The following FBXO34 variants were observed in gnomAD, a reference collection of about 807,000 sequenced individuals.
FBXO34 encodes the protein F-box protein 34, also known as F-box only protein 34.
Under a neutral mutation model 24.5 loss-of-function variants are expected in FBXO34, and 12 were observed. The observed-to-expected ratio is 0.49, with a 90% CI of 0.31 to 0.79. FBXO34 has a LOEUF of 0.79. Among genes scored for constraint, FBXO34 ranks in the 30% least tolerant of loss-of-function variants. FBXO34 has a pLI of 0.04. For synonymous variants in FBXO34, 320 were observed against 311.9 expected, an observed-to-expected ratio of 1.03 and a Z score of -0.27; for missense variants, 823 against 857.7, an observed-to-expected ratio of 0.96 and a Z score of 0.51.
At chr14:55,417,837 G>T in the FBXO34 span, among the ~76,000 whole-genome samples, 34 of 152,188 alleles carry the variant, frequency 2.2e-4, no homozygotes, top group Non-Finnish European at 4.7e-4. Flanking sequence ...GGTGAAAATT[G>T]TGTGGCCTGG....
In FBXO34 at chr14:55,350,641, A is replaced by G; in HGVS notation, c.251A>G (p.Asn84Ser). The change falls in exon 2 of 2, where the codon AAT becomes AGT. Residue 84 changes from asparagine to serine, a missense_variant. Physicochemically the swap from Asn to Ser is conservative, Grantham distance 46 (BLOSUM62 1). This residue lies in a region of FBXO34 where 693 missense variants were observed against 659.1 expected (regional missense o/e 1.05). Transcript: ENST00000313833. ...SGKSPVESSL[N>S]VKTKKNAPSA... ...AAGAGTCCTGTAGAGAGCAGCTTGA[A>G]TGTTAAAACCAAAAAGAATGCACCA... is the stretch of plus-strand genomic sequence containing the variant. 2 of 1,613,740 alleles carry G rather than the reference A, an allele frequency of 1.2e-6. No homozygotes were observed. Among genetic ancestry groups the G allele is most frequent in the Non-Finnish European group, 8.5e-7 (1 of 1,179,896 alleles).
In FBXO34 at chr14:55,292,279, A is replaced by G. The variant is rs935895157; in HGVS notation, c.-11+20742A>G. 5.3e-5 allele frequency among the ~76,000 whole-genome samples: 8 copies of G among 152,284 alleles called. No homozygotes were observed. The South Asian group carries it at 1.0e-3, about 20-fold the overall frequency. On this transcript the variant is annotated intron_variant, in intron 1 of 1. Coordinates refer to ENST00000313833, the MANE Select transcript of FBXO34 (RefSeq NM_017943.4). ...AGTGTCCTTAATTATATTTTTAACT[A>G]TGAGCTTTTGGTTGGGACTTAAGGA...
At chr14:55,433,331 T>TTA in the FBXO34 span, among the ~76,000 whole-genome samples, 1 of 117,722 alleles carries the variant, frequency 8.5e-6, no homozygotes. Flanking sequence ...TTTTTTTTTT[T>TTA]TAACAGAGAT....
At chr14:55,318,834 T>G (rs1275990877) in intron 1 of FBXO34, among the ~76,000 whole-genome samples, 1 of 152,152 alleles carries the variant, frequency 6.6e-6, no homozygotes, top group Non-Finnish European at 1.5e-5. Context: ...GGTGACCTGG[T>G]CATCTCACTC....
chr14:55,416,697 A>C, the FBXO34 span, among the ~76,000 whole-genome samples: 12,292 of 152,178 alleles, frequency 0.081, 1,461 homozygotes, highest in African/African-American at 0.26. Flanking sequence ...AAGAAGCAAG[A>C]ACCACTGCCT....
At chr14:55,309,081 T>C (rs1882648095) in intron 1 of FBXO34, among the ~76,000 whole-genome samples, 1 of 152,244 alleles carries the variant, frequency 6.6e-6, no homozygotes, top group Non-Finnish European at 1.5e-5. Flanking sequence ...ATGTATTTAA[T>C]ATCATTAGTT....
chr14:55,312,028 C>T (rs1882760009), intron 1 of FBXO34, among the ~76,000 whole-genome samples: 1 of 151,946 alleles, frequency 6.6e-6, no homozygotes. Context: ...GGTGAAACTC[C>T]GTTTCTACTA....
At chr14:55,376,230 CCAAGGCAAG>C in the FBXO34 span, among the ~76,000 whole-genome samples, 7 of 152,224 alleles carry the variant, frequency 4.6e-5, no homozygotes, top group Admixed American at 1.3e-4. Flanking sequence ...GGAATAATAT[CCAAGGCAAG>C]TAAAGTGGTT....
At chr14:55,354,068 G>A (rs866147627), downstream of FBXO34, among the ~76,000 whole-genome samples, 1 of 152,182 alleles carries the variant, frequency 6.6e-6, no homozygotes, top group East Asian at 1.9e-4. Context: ...AGGATGGTAC[G>A]TGCTCTAGGG....
the FBXO34 span, among the ~76,000 whole-genome samples, chr14:55,426,952 AT>A: frequency 0.21 from 31,241 of 152,126 alleles, 5,025 homozygotes; most frequent in African/African-American, 0.45. Flanking sequence ...CACACACATC[AT>A]TTTCGAGCCC....
intron 1 of FBXO34, among the ~76,000 whole-genome samples, chr14:55,316,017 C>A (rs10139083): frequency 0.37 from 56,445 of 151,848 alleles, 11,063 homozygotes; most frequent in Non-Finnish European, 0.42. Context: ...TTTTCTATTG[C>A]GTTTTTCATT....
At chr14:55,380,136 T>C in the FBXO34 span, among the ~76,000 whole-genome samples, 6 of 151,940 alleles carry the variant, frequency 3.9e-5, no homozygotes, top group African/African-American at 1.5e-4. Flanking sequence ...TAATCCCAGC[T>C]ACACAGGAGG....
intron 1 of FBXO34, among the ~76,000 whole-genome samples, chr14:55,334,891 G>T (rs182865035): frequency 2.2e-4 from 33 of 152,346 alleles, no homozygotes; most frequent in African/African-American, 7.7e-4. Flanking sequence ...TGACAAGATG[G>T]TCAGACTTCT....
chr14:55,415,685 C>T, the FBXO34 span, among the ~76,000 whole-genome samples: 1,273 of 151,864 alleles, frequency 8.4e-3, 22 homozygotes, highest in African/African-American at 0.03. Flanking sequence ...GCCAACACGG[C>T]GAAACCCCCG....
intron 1 of FBXO34, among the ~76,000 whole-genome samples, chr14:55,286,351 G>T (rs1192888929): frequency 6.6e-6 from 1 of 152,194 alleles, no homozygotes; most frequent in Non-Finnish European, 1.5e-5. Context: ...GAACCTCGGT[G>T]TAACTTTTGG....
At chr14:55,407,513 C>A in the FBXO34 span, among the ~76,000 whole-genome samples, 1 of 152,200 alleles carries the variant, frequency 6.6e-6, no homozygotes, top group African/African-American at 2.4e-5. Context: ...GATCCGCCTG[C>A]CTCGGCCTCC....
At chr14:55,429,762 G>A in the FBXO34 span, among the ~76,000 whole-genome samples, 68 of 71,142 alleles carry the variant, frequency 9.6e-4, 1 homozygote, top group South Asian at 0.018. Flanking sequence ...GTGAAACTCC[G>A]TCTCAAAAAA....
chr14:55,375,829 G>A, the FBXO34 span, among the ~76,000 whole-genome samples: 1 of 152,278 alleles, frequency 6.6e-6, no homozygotes, highest in African/African-American at 2.4e-5. Flanking sequence ...AGGCATCCTT[G>A]ATTGTTCCTA....
chr14:55,371,453 A>C (rs1884814160), downstream of FBXO34, among the ~76,000 whole-genome samples: 1 of 152,124 alleles, frequency 6.6e-6, no homozygotes, highest in Non-Finnish European at 1.5e-5. Context: ...GGCTTTATTA[A>C]ATTGGAAGAT....
Sources: gnomAD v4.1 joint callset for allele counts (sites outside exome capture counted in the v4.1 genomes callset) on GRCh38, gnomAD v4.1.1 for gene constraint, gnomAD v4.1.1 regional missense constraint, MANE v1.5 for transcripts, NCBI Gene and HGNC (gene_info 2026-07-23, HGNC 2026-07-21) for gene names.